The following COL25A1 variants were observed in gnomAD, a reference collection of about 807,000 sequenced individuals.
The protein encoded by COL25A1 is collagen type XXV alpha 1 chain.
Under a neutral mutation model 128.4 loss-of-function variants are expected in COL25A1, and 103 were observed. The ratio of observed to expected loss-of-function variants is 0.80; its 90% confidence interval spans 0.68 to 0.94. The LOEUF (loss-of-function observed/expected upper bound fraction) is 0.94, where lower values mean the gene tolerates loss of function less well. COL25A1 is among the 40% of genes least tolerant of loss of function. The probability of loss-of-function intolerance (pLI) is 0.00; values close to 1 mark genes in which losing one functional copy is unlikely to be tolerated. For missense variants in COL25A1, 745 were observed against 840.0 expected, an observed-to-expected ratio of 0.89 and a Z score of 1.40; for synonymous variants, 279 against 277.2, an observed-to-expected ratio of 1.01 and a Z score of -0.06.
chr4:109,019,904 GT>G (rs759268811), intron 5 of COL25A1, among the ~76,000 whole-genome samples: 1 of 152,256 alleles, frequency 6.6e-6, no homozygotes, highest in Middle Eastern at 3.4e-3. Context: ...TTACTTTCTA[GT>G]TTGATTTGGT....
chr4:109,124,962 C>T (rs544570773), intron 3 of COL25A1, among the ~76,000 whole-genome samples: 1 of 152,068 alleles, frequency 6.6e-6, no homozygotes, highest in South Asian at 2.1e-4. Flanking sequence ...TTGAAATAAT[C>T]TATTTGTCAT....
At chr4:108,981,305 T>C (rs1752949049) in intron 6 of COL25A1, among the ~76,000 whole-genome samples, 1 of 152,240 alleles carries the variant, frequency 6.6e-6, no homozygotes, top group Non-Finnish European at 1.5e-5. Context: ...AACTCATACA[T>C]AGTTTTCTGT....
chr4:108,808,729 C>T lies in COL25A1; in HGVS notation c.*5198G>A, dbSNP rs1730568599. 6.6e-6 allele frequency: 1 copy of T among 152,082 alleles called. No individual in the cohort carries two copies. The allele number at this position is 152,082 out of a possible 1,614,324, so 9.4% of individuals were successfully genotyped here. On this transcript the variant is annotated 3_prime_UTR_variant, in exon 38 of 38. Transcript: ENST00000399132. ...ATCAAAGAAAAGAGGCCAAGGTTTT[C>T]ATGAACATCAATAAAGCTTTATAAC...
intron 26 of COL25A1, among the ~76,000 whole-genome samples, chr4:108,851,560 G>A (rs996624338): frequency 9.2e-5 from 14 of 152,066 alleles, no homozygotes; most frequent in Non-Finnish European, 1.6e-4. Flanking sequence ...TTCAACACAT[G>A]TAGCTCAGTT....
chr4:109,110,141 A>C, intron 3 of COL25A1, among the ~76,000 whole-genome samples: 1 of 152,188 alleles, frequency 6.6e-6, no homozygotes, highest in Non-Finnish European at 1.5e-5. Flanking sequence ...ATGTTCAAAA[A>C]TTAGCATCAA....
At chr4:108,841,053 T>C (rs775402398) in intron 31 of COL25A1, among the ~76,000 whole-genome samples, 7 of 152,216 alleles carry the variant, frequency 4.6e-5, no homozygotes, top group Non-Finnish European at 1.0e-4. Context: ...TCTGCCAGGA[T>C]GTCCTCGCGG....
At chr4:108,878,888 G>A (rs1249152731) in intron 19 of COL25A1, among the ~76,000 whole-genome samples, 3 of 152,114 alleles carry the variant, frequency 2.0e-5, no homozygotes, top group Admixed American at 6.5e-5. Flanking sequence ...ACTTTGTGCA[G>A]ACAGGAAATA....
chr4:108,969,649 G>A (rs942110646), intron 8 of COL25A1, among the ~76,000 whole-genome samples: 20 of 151,996 alleles, frequency 1.3e-4, no homozygotes, highest in African/African-American at 2.7e-4. Flanking sequence ...CCTAACCCCC[G>A]CTGAAATTCT....
chr4:109,171,254 T>C (rs1773555040), intron 3 of COL25A1, among the ~76,000 whole-genome samples: 4 of 152,174 alleles, frequency 2.6e-5, no homozygotes, highest in African/African-American at 9.7e-5. Context: ...CTCACTTCAT[T>C]GACTTATAAA....
chr4:109,022,146 G>C (rs1266112918), intron 5 of COL25A1: 2 of 452,942 alleles, frequency 4.4e-6, no homozygotes, highest in Non-Finnish European at 8.8e-6. Flanking sequence ...TGGTTTTACA[G>C]CTCAGGTGGG....
intron 3 of COL25A1, among the ~76,000 whole-genome samples, chr4:109,223,975 T>C (rs1264007237): frequency 6.6e-6 from 1 of 152,174 alleles, no homozygotes; most frequent in African/African-American, 2.4e-5. Flanking sequence ...AGAATTTATG[T>C]CATCTTCTTC....
intron 3 of COL25A1, among the ~76,000 whole-genome samples, chr4:109,203,186 A>G (rs1776708718): frequency 6.6e-6 from 1 of 152,090 alleles, no homozygotes; most frequent in Admixed American, 6.6e-5. Flanking sequence ...AGATAGAAAA[A>G]CAGGATGCAT....
chr4:108,963,438 A>G (rs1163604232), intron 8 of COL25A1, among the ~76,000 whole-genome samples: 1 of 152,200 alleles, frequency 6.6e-6, no homozygotes, highest in East Asian at 1.9e-4. Flanking sequence ...TTTTTTGTCC[A>G]TTTCAAATAC....
intron 3 of COL25A1, among the ~76,000 whole-genome samples, chr4:109,238,048 T>C (rs1779588977): frequency 6.6e-6 from 1 of 152,122 alleles, no homozygotes; most frequent in Admixed American, 6.6e-5. Flanking sequence ...TACTACATTT[T>C]GTTTATTCAT....
chr4:109,195,047 T>C (rs1050654538), intron 3 of COL25A1, among the ~76,000 whole-genome samples: 2 of 152,200 alleles, frequency 1.3e-5, no homozygotes, highest in Admixed American at 1.3e-4. Flanking sequence ...TTCAAATTCA[T>C]GCCTGTATCA....
intron 3 of COL25A1, among the ~76,000 whole-genome samples, chr4:109,137,995 T>C (rs1769970787): frequency 6.6e-6 from 1 of 151,712 alleles, no homozygotes; most frequent in Non-Finnish European, 1.5e-5. Context: ...TGTGTGTGTG[T>C]GTGTGTGTGT....
rs1730817389 is a variant in COL25A1 at position 108,811,800 on chromosome 4, A to G, written c.*2127T>C. ...ATGTTACCAATTAGACTGATCTAAT[A>G]GTTTAAACATCTTTCAACCTTAAAA... On this transcript the variant is annotated 3_prime_UTR_variant, in exon 38 of 38. Transcript: ENST00000399132. 1 of 152,198 alleles carries G rather than the reference A, an allele frequency of 6.6e-6. No individual in the cohort carries two copies. The highest frequency in any genetic ancestry group is 1.5e-5 in the Non-Finnish European group (1 of 67,998). The allele number at this position is 152,198 out of a possible 1,614,324, so 9.4% of individuals were successfully genotyped here. A position where few individuals can be genotyped will look rare whatever the true frequency, so the allele number is the denominator to read the frequency against.
chr4:109,094,775 G>T (rs374372407), intron 3 of COL25A1, among the ~76,000 whole-genome samples: 1 of 152,250 alleles, frequency 6.6e-6, no homozygotes, highest in East Asian at 1.9e-4. Context: ...TGATTAGTTT[G>T]CAAATGTTCT....
At chr4:108,950,540 G>T (rs944835780) in intron 8 of COL25A1, among the ~76,000 whole-genome samples, 3 of 152,148 alleles carry the variant, frequency 2.0e-5, no homozygotes, top group African/African-American at 7.2e-5. Flanking sequence ...ATGAATGCTG[G>T]AAAAACCCAG....
Sources: allele counts gnomAD v4.1 joint callset (sites outside exome capture counted in the v4.1 genomes callset), GRCh38; gene constraint gnomAD v4.1.1; transcripts MANE v1.5; gene names NCBI Gene and HGNC (gene_info 2026-07-23, HGNC 2026-07-21).